Variants in ITFG1 observed in about 807,000 individuals in gnomAD.
ITFG1 encodes integrin alpha FG-GAP repeat containing 1.
Under a neutral mutation model 81.8 loss-of-function variants are expected in ITFG1, and 34 were observed. The observed-to-expected ratio is 0.42, with a 90% CI of 0.32 to 0.55. ITFG1 has a LOEUF of 0.55. ITFG1 is among the 20% of genes least tolerant of loss of function. The probability of loss-of-function intolerance (pLI) is 0.17; values close to 1 mark genes in which losing one functional copy is unlikely to be tolerated. For synonymous variants in ITFG1, 285 were observed against 270.6 expected (o/e 1.05, Z -0.52); for missense variants, 672 against 755.4 (o/e 0.89, Z 1.29).
intron 10 of ITFG1, among the ~76,000 whole-genome samples, chr16:47,290,599 G>GT (rs918019724): frequency 2.6e-5 from 4 of 152,028 alleles, no homozygotes; most frequent in Non-Finnish European, 5.9e-5. Flanking sequence ...TAAAAAGTCT[G>GT]TTTTTTATAA....
chr16:47,444,820 C>G (rs1400423853), intron 5 of ITFG1, among the ~76,000 whole-genome samples: 1 of 152,152 alleles, frequency 6.6e-6, no homozygotes, highest in African/African-American at 2.4e-5. Flanking sequence ...AAGTTACCTT[C>G]TTTCCAATTA....
At chr16:47,453,157 C>T (rs1969409984) in intron 3 of ITFG1, among the ~76,000 whole-genome samples, 1 of 152,148 alleles carries the variant, frequency 6.6e-6, no homozygotes, top group Non-Finnish European at 1.5e-5. Flanking sequence ...CTAAAATGTA[C>T]ATGCTTATAT....
chr16:47,423,251 A>ATTT lies in ITFG1; in HGVS notation c.655+5550_655+5552dup, dbSNP rs748793229. Among the ~76,000 whole-genome samples the ATTT allele has an allele frequency of 4.2e-5, 5 of 118,300 alleles. No homozygotes were observed. The East Asian group carries it at 1.0e-3, about 24-fold the overall frequency. 77.6% of individuals were successfully genotyped at this position (118,300 alleles called of 152,430 possible). On this transcript the variant is annotated intron_variant, in intron 6 of 17. Coordinates refer to ENST00000320640, the MANE Select transcript of ITFG1 (RefSeq NM_030790.5). ...TCAGAGACCAGGACTGCAATCCCTGATTTTTTTTTTTTTTTTTTTGCTTTC... is the reference window on the plus strand; with the variant it reads ...TCAGAGACCAGGACTGCAATCCCTGATTTTTTTTTTTTTTTTTTTTTTGCTTTC...
chr16:47,183,695 A>G (rs1226447090), intron 14 of ITFG1, among the ~76,000 whole-genome samples: 1 of 152,250 alleles, frequency 6.6e-6, no homozygotes, highest in Non-Finnish European at 1.5e-5. Flanking sequence ...GAAAAAACAG[A>G]GCAGAAAAAC....
chr16:47,381,429 G>GT (rs879643614), intron 6 of ITFG1, among the ~76,000 whole-genome samples: 7 of 152,162 alleles, frequency 4.6e-5, no homozygotes, highest in Admixed American at 4.6e-4. Flanking sequence ...TCCTTGGATA[G>GT]TAATAGTTAC....
In ITFG1 at chr16:47,272,372, C is replaced by T. The variant is rs143797629; in HGVS notation, c.1071-11677G>A. Among the ~76,000 whole-genome samples, 1,140 of 152,144 alleles carry T rather than the reference C, an allele frequency of 7.5e-3. 19 individuals are homozygous for T. Among genetic ancestry groups the T allele is most frequent in the African/African-American group, 0.026 (1,081 of 41,514 alleles). On this transcript the variant is annotated intron_variant, in intron 10 of 17. Coordinates refer to ENST00000320640, the MANE Select transcript of ITFG1 (RefSeq NM_030790.5). ...AGGGTAATAAAATGTCCTAAAATTG[C>T]TTGTGATGATGGATGCACAACAATA...
At chr16:47,403,417 A>G (rs1043450171) in intron 6 of ITFG1, among the ~76,000 whole-genome samples, 65 of 152,090 alleles carry the variant, frequency 4.3e-4, no homozygotes, top group African/African-American at 1.4e-3. Flanking sequence ...TTTTTTAAAA[A>G]AAAGGAGGTT....
At position 47,387,976 on chromosome 16, in the gene ITFG1, GTGCCTTATCAAATATAAA is replaced by G. The variant is rs1462858724; in HGVS notation, c.656-12054_656-12037del. Among the ~76,000 whole-genome samples the G allele has an allele frequency of 2.0e-5, 3 of 151,868 alleles. No individual in the cohort carries two copies. The East Asian group carries it at 5.8e-4, about 29-fold the overall frequency. On this transcript the variant is annotated intron_variant, in intron 6 of 17. Coordinates refer to ENST00000320640, the MANE Select transcript of ITFG1 (RefSeq NM_030790.5). ...GAAATTATGCTTAAAGAAGTGAAGT[GTGCCTTATCAAATATAAA>G]ATATCCATAGACAGAAATGATAAAA...
At position 47,158,987 on chromosome 16, in the gene ITFG1, C is replaced by A; in HGVS notation, c.1665G>T (p.Trp555Cys). ...TTGGTGTAAGATACAGTTTGGCACTCCAACTGTAGATAAAAACAGAACAAA... is the reference window on the plus strand; with the variant it reads ...TTGGTGTAAGATACAGTTTGGCACTACAACTGTAGATAAAAACAGAACAAA... ...IPYPHNVPRS[W>C]SAKLYLTPSN... Residue 555 changes from tryptophan (W) to cysteine (C), a missense_variant, in exon 17 of 18, where the codon TGG (tryptophan) becomes TGT (cysteine). Physicochemically the swap from Trp to Cys is radical, Grantham distance 215. Transcript: ENST00000320640. 6.9e-7 allele frequency: 1 copy of A among 1,448,032 alleles called. No homozygotes were observed. The highest frequency in any genetic ancestry group is 9.4e-7 in the Non-Finnish European group (1 of 1,066,342). The allele number at this position is 1,448,032 out of a possible 1,614,324, so 89.7% of individuals were successfully genotyped here.
At chr16:47,257,752 T>C (rs540229098) in intron 12 of ITFG1, among the ~76,000 whole-genome samples, 12 of 152,284 alleles carry the variant, frequency 7.9e-5, no homozygotes, top group Admixed American at 7.2e-4. Flanking sequence ...GCTGTGTCCA[T>C]TGAGAGAACC....
At chr16:47,363,713 A>T (rs1311414087) in intron 8 of ITFG1, among the ~76,000 whole-genome samples, 1 of 152,144 alleles carries the variant, frequency 6.6e-6, no homozygotes, top group Non-Finnish European at 1.5e-5. Flanking sequence ...TTTGCTATTA[A>T]ATTAACATAT....
intron 6 of ITFG1, among the ~76,000 whole-genome samples, chr16:47,404,139 G>C (rs1968698703): frequency 6.6e-6 from 1 of 152,060 alleles, no homozygotes; most frequent in South Asian, 2.1e-4. Context: ...GGGCCAAAAG[G>C]GTTGGGGGCT....
At chr16:47,292,064 A>T (rs1443352269) in intron 10 of ITFG1, among the ~76,000 whole-genome samples, 2 of 149,460 alleles carry the variant, frequency 1.3e-5, no homozygotes, top group African/African-American at 5.0e-5. Flanking sequence ...TCTAGGCTGG[A>T]GTGCAGTGGT....
At chr16:47,256,265 T>C (rs1329823718) in intron 12 of ITFG1, among the ~76,000 whole-genome samples, 1 of 152,172 alleles carries the variant, frequency 6.6e-6, no homozygotes, top group Non-Finnish European at 1.5e-5. Context: ...GATGTTTTCA[T>C]CCTAGAAATT....
chr16:47,205,828 T>TTATCTATCTATCTATC (rs58886060), intron 14 of ITFG1, among the ~76,000 whole-genome samples: 25 of 142,960 alleles, frequency 1.7e-4, no homozygotes, highest in East Asian at 4.2e-4. Flanking sequence ...TGGAATTAAA[T>TTATCTATCTATCTATC]TATCTATCTA....
chr16:47,160,441 T>C (rs1964786170), intron 16 of ITFG1, among the ~76,000 whole-genome samples: 1 of 152,108 alleles, frequency 6.6e-6, no homozygotes, highest in Non-Finnish European at 1.5e-5. Flanking sequence ...CTGTTCTATG[T>C]CCGTGGCAGT....
At chr16:47,352,623 G>T (rs1212155150) in intron 8 of ITFG1, among the ~76,000 whole-genome samples, 1 of 152,194 alleles carries the variant, frequency 6.6e-6, no homozygotes, top group Admixed American at 6.5e-5. Flanking sequence ...CCGTAAACTA[G>T]TTCAACCATT....
intron 5 of ITFG1, among the ~76,000 whole-genome samples, chr16:47,438,473 T>C (rs773290276): frequency 4.6e-5 from 7 of 152,126 alleles, no homozygotes; most frequent in Admixed American, 6.5e-5. Flanking sequence ...GGCCGGGTAC[T>C]CCTCTGAGAC....
intron 14 of ITFG1, among the ~76,000 whole-genome samples, chr16:47,183,966 A>C (rs2151514795): frequency 6.6e-6 from 1 of 152,336 alleles, no homozygotes; most frequent in Admixed American, 6.5e-5. Flanking sequence ...CTGAAAACCA[A>C]GGCTCGAGAA....
Sources: allele counts gnomAD v4.1 joint callset (sites outside exome capture counted in the v4.1 genomes callset), GRCh38; gene constraint gnomAD v4.1.1; transcripts MANE v1.5; gene names NCBI Gene and HGNC (gene_info 2026-07-23, HGNC 2026-07-21).